The following HS3ST4 variants were observed in gnomAD, a reference collection of about 807,000 sequenced individuals.
HS3ST4 encodes the protein heparan sulfate glucosamine 3-O-sulfotransferase 4.
In HS3ST4, 17 loss-of-function variants were observed where a neutral mutation model predicts 29.2. The observed-to-expected ratio is 0.58, with a 90% CI of 0.40 to 0.87. The LOEUF is 0.87. HS3ST4 is among the 40% of genes least tolerant of loss of function. The pLI is 0.00. For synonymous variants in HS3ST4, 314 were observed against 285.7 expected, an observed-to-expected ratio of 1.10 and a Z score of -1.00; for missense variants, 627 against 634.5, an observed-to-expected ratio of 0.99 and a Z score of 0.13.
At chr16:25,715,328 CAAAAAAAAAAAAAAAAACCA>C (rs1168338181) in intron 1 of HS3ST4, among the ~76,000 whole-genome samples, 3 of 87,824 alleles carry the variant, frequency 3.4e-5, no homozygotes, top group Non-Finnish European at 4.6e-5. Context: ...GACTCCGTCT[CAAAAAAAAAAAAAAAAACCA>C]AAAAAAAAAA....
chr16:26,055,775 G>A (rs756206895), intron 1 of HS3ST4, among the ~76,000 whole-genome samples: 7 of 152,092 alleles, frequency 4.6e-5, no homozygotes, highest in Non-Finnish European at 8.8e-5. Flanking sequence ...TTTTTGGGAT[G>A]AATAATATGC....
Position 26,106,898 on chromosome 16 carries a change from A to T in HS3ST4, c.735-28714A>T, listed in dbSNP as rs140326193. ...TGCCCTGTGGGCAAGGGCTTAGGCA[A>T]AGCCAAAACAGCAACAACTGATATT... On this transcript the variant is annotated intron_variant, in intron 1 of 1. Coordinates refer to ENST00000331351, the MANE Select transcript of HS3ST4 (RefSeq NM_006040.3). Among the ~76,000 whole-genome samples, 134 of 152,266 alleles carry T rather than the reference A, an allele frequency of 8.8e-4. 1 individual carries two copies. Among genetic ancestry groups the T allele is most frequent in the African/African-American group, 3.1e-3 (130 of 41,560 alleles).
At chr16:26,047,191 G>A (rs1279077401) in intron 1 of HS3ST4, among the ~76,000 whole-genome samples, 1 of 152,200 alleles carries the variant, frequency 6.6e-6, no homozygotes, top group Non-Finnish European at 1.5e-5. Context: ...TCCTAACAGA[G>A]TTCTTGCATG....
rs374594715 is a variant in HS3ST4 at position 25,836,090 on chromosome 16, C to A, written c.734+142939C>A. Among the ~76,000 whole-genome samples, 12 of 152,146 alleles carry A rather than the reference C, an allele frequency of 7.9e-5. No homozygotes were observed. The East Asian group carries it at 9.6e-4, about 12-fold the overall frequency. On this transcript the variant is annotated intron_variant, in intron 1 of 1. Coordinates refer to ENST00000331351, the MANE Select transcript of HS3ST4 (RefSeq NM_006040.3). ...GTGATCATCCTGAATTATTTTCCTA[C>A]CAAGCCTACAAAACGGAAGGGCATG... is the stretch of plus-strand genomic sequence containing the variant.
chr16:25,728,452 G>A (rs1476265441), intron 1 of HS3ST4, among the ~76,000 whole-genome samples: 13 of 152,238 alleles, frequency 8.5e-5, no homozygotes, highest in South Asian at 6.2e-4. Context: ...TTGCCATATC[G>A]CTGTTGATTG....
At chr16:25,759,176 A>G (rs569538579) in intron 1 of HS3ST4, among the ~76,000 whole-genome samples, 1 of 152,282 alleles carries the variant, frequency 6.6e-6, no homozygotes, top group African/African-American at 2.4e-5. Context: ...GTGACTGACA[A>G]ATGATCAGAG....
rs577221847 is a variant in HS3ST4, at chr16:26,066,431, A to G, written c.735-69181A>G. Among the ~76,000 whole-genome samples, 3 of 152,318 alleles carry G rather than the reference A, an allele frequency of 2.0e-5. No individual in the cohort carries two copies. The East Asian group carries it at 5.8e-4, about 29-fold the overall frequency. Reference sequence around the variant, plus strand: ...TATTATCACTGCATCATTTTGTACTATCTGATATTTGAGGAAATGAAATAT... The same window carrying G: ...TATTATCACTGCATCATTTTGTACTGTCTGATATTTGAGGAAATGAAATAT... On this transcript the variant is annotated intron_variant, in intron 1 of 1. Transcript: ENST00000331351.
chr16:26,117,749 C>T (rs1166610837), intron 1 of HS3ST4, among the ~76,000 whole-genome samples: 1 of 152,158 alleles, frequency 6.6e-6, no homozygotes, highest in Non-Finnish European at 1.5e-5. Context: ...AGTGTGTATG[C>T]TTGTGAAAAT....
chr16:25,982,033 CACACAG>C (rs1008836375), intron 1 of HS3ST4, among the ~76,000 whole-genome samples: 10 of 104,764 alleles, frequency 9.5e-5, no homozygotes, highest in Non-Finnish European at 2.0e-4. Context: ...CATACTGAGA[CACACAG>C]ACACACACAC....
At chr16:26,041,481 C>T (rs1427455203) in intron 1 of HS3ST4, among the ~76,000 whole-genome samples, 1 of 152,054 alleles carries the variant, frequency 6.6e-6, no homozygotes, top group Non-Finnish European at 1.5e-5. Context: ...GGAGAAGTAA[C>T]ATTAAAAAAC....
chr16:26,017,417 T>C (rs868215180), intron 1 of HS3ST4, among the ~76,000 whole-genome samples: 1 of 152,180 alleles, frequency 6.6e-6, no homozygotes, highest in Non-Finnish European at 1.5e-5. Flanking sequence ...TGGTTGATAT[T>C]GGCTGCGTGT....
chr16:25,980,737 A>T (rs1968995901), intron 1 of HS3ST4, among the ~76,000 whole-genome samples: 1 of 152,318 alleles, frequency 6.6e-6, no homozygotes, highest in African/African-American at 2.4e-5. Flanking sequence ...AGACAAGGAA[A>T]TGACTGTCAT....
intron 1 of HS3ST4, among the ~76,000 whole-genome samples, chr16:26,047,647 C>T (rs1209925811): frequency 3.3e-5 from 5 of 152,196 alleles, no homozygotes; most frequent in Admixed American, 2.6e-4. Flanking sequence ...GCCGTGATCT[C>T]GTCTCCAAAG....
At chr16:25,789,234 C>T (rs1362981390) in intron 1 of HS3ST4, among the ~76,000 whole-genome samples, 1 of 152,020 alleles carries the variant, frequency 6.6e-6, no homozygotes, top group African/African-American at 2.4e-5. Context: ...CCATCACCTT[C>T]TCCTCCTCCT....
intron 1 of HS3ST4, among the ~76,000 whole-genome samples, chr16:26,133,197 C>T (rs1437074842): frequency 6.6e-6 from 1 of 151,956 alleles, no homozygotes; most frequent in African/African-American, 2.4e-5. Flanking sequence ...GGCCAGCTGG[C>T]TTAAGTTAAA....
At chr16:25,981,927 C>T (rs188588382) in intron 1 of HS3ST4, among the ~76,000 whole-genome samples, 8 of 152,292 alleles carry the variant, frequency 5.3e-5, no homozygotes, top group Admixed American at 4.6e-4. Flanking sequence ...CAAATGGCCT[C>T]GGCCTCATGA....
intron 1 of HS3ST4, among the ~76,000 whole-genome samples, chr16:25,835,004 A>G (rs568462174): frequency 6.6e-6 from 1 of 152,258 alleles, no homozygotes; most frequent in South Asian, 2.1e-4. Flanking sequence ...CCAACCAAAG[A>G]AAAAAACCCA....
chr16:25,857,279 G>A (rs916674983), intron 1 of HS3ST4, among the ~76,000 whole-genome samples: 3 of 152,136 alleles, frequency 2.0e-5, no homozygotes, highest in African/African-American at 4.8e-5. Context: ...TTCATCAACT[G>A]TCTCTCCTAA....
chr16:25,772,870 T>C (rs1450805158), intron 1 of HS3ST4, among the ~76,000 whole-genome samples: 1 of 152,124 alleles, frequency 6.6e-6, no homozygotes, highest in South Asian at 2.1e-4. Context: ...CGTCGAGAGA[T>C]GGAGAAACGG....
Sources: gnomAD v4.1 joint callset for allele counts (sites outside exome capture counted in the v4.1 genomes callset) on GRCh38, gnomAD v4.1.1 for gene constraint, MANE v1.5 for transcripts, NCBI Gene and HGNC (gene_info 2026-07-23, HGNC 2026-07-21) for gene names.